Variants in SPTB observed in about 807,000 individuals in gnomAD.
SPTB encodes spectrin beta, erythrocytic, also known as spectrin beta chain, erythrocytic.
In SPTB, 45 loss-of-function variants were observed where a neutral mutation model predicts 256.2. That is an observed-to-expected ratio of 0.18 (90% CI 0.14 to 0.23). SPTB has a LOEUF of 0.23. SPTB is among the 10% of genes least tolerant of loss of function. The pLI is 1.00. For missense variants in SPTB, 2,715 were observed against 3,040.4 expected (o/e 0.89, Z 2.52); for synonymous variants, 1,231 against 1,243.1 (o/e 0.99, Z 0.21).
intron 1 of SPTB, among the ~76,000 whole-genome samples, chr14:64,837,587 G>A (rs2083544493): frequency 6.6e-6 from 1 of 152,100 alleles, no homozygotes; most frequent in South Asian, 2.1e-4. Flanking sequence ...AAATCAACAA[G>A]CTGATTTATT....
In SPTB at chr14:64,785,834, G is replaced by C; in HGVS notation, c.3679C>G (p.Pro1227Ala). 1 of 1,614,016 alleles carries C rather than the reference G, an allele frequency of 6.2e-7. No individual in the cohort carries two copies. The highest frequency in any genetic ancestry group is 1.6e-4 in the Middle Eastern group (1 of 6,062). The change falls in exon 17 of 36, where the codon CCT becomes GCT. Residue 1227 changes from proline (P) to alanine (A), a missense_variant. Pro to Ala is a conservative substitution (Grantham distance 27). Coordinates refer to ENST00000644917, the MANE Select transcript of SPTB (RefSeq NM_001355436.2). This position sits in a 1 kb window ranked among gnomAD's most constrained non-coding sequence, Gnocchi z 4.4. Reference sequence around the variant, plus strand: ...ACCAGCTTGTTTCCAGAGTCCACAGGACTCAAGACCTTATCCCGGTTGTTC... The same window carrying C: ...ACCAGCTTGTTTCCAGAGTCCACAGCACTCAAGACCTTATCCCGGTTGTTC... ...MENNRDKVLSPVDSGNKLVAE... is the reference protein window; with the variant it reads ...MENNRDKVLSAVDSGNKLVAE...
intron 3 of SPTB, 23 bp from the exon 4 acceptor site, chr14:64,803,803 G>A (rs778385937): frequency 1.4e-5 from 22 of 1,589,498 alleles, no homozygotes; most frequent in African/African-American, 2.7e-5. Flanking sequence ...AGTGGCCCCC[G>A]TGGGCATGGA....
At chr14:64,761,404 C>T (rs1375005363) in intron 32 of SPTB, among the ~76,000 whole-genome samples, 6 of 152,082 alleles carry the variant, frequency 3.9e-5, no homozygotes, top group Non-Finnish European at 8.8e-5. Flanking sequence ...AGAGCCAGGG[C>T]GGGGAGCTGA....
At chr14:64,800,684 G>C in intron 8 of SPTB, 72 bp downstream of exon 8, 1 of 1,366,192 alleles carries the variant, frequency 7.3e-7, no homozygotes, top group Non-Finnish European at 1.0e-6. Context: ...TCTTTGGTTG[G>C]AAAGAGGGCC....
In SPTB at chr14:64,791,741, A is replaced by ACTG. The variant is rs2082677918; in HGVS notation, c.2779_2781dup (p.Gln927dup). The ACTG allele has an allele frequency of 6.2e-7, 1 of 1,613,984 alleles. No homozygotes were observed. Among genetic ancestry groups the ACTG allele is most frequent in the Admixed American group, 1.7e-5 (1 of 59,994 alleles). On this transcript the variant is annotated inframe_insertion, in exon 15 of 36. Coordinates refer to ENST00000644917, the MANE Select transcript of SPTB (RefSeq NM_001355436.2). ...CACCTGGTGTTCAGATGGTCCTGGT[A>ACTG]CTGCTTCACCTCCCTGCTGCGTGGG... is the stretch of plus-strand genomic sequence containing the variant.
At chr14:64,846,951 C>T (rs1448817555) in intron 1 of SPTB, among the ~76,000 whole-genome samples, 1 of 152,148 alleles carries the variant, frequency 6.6e-6, no homozygotes, top group East Asian at 1.9e-4. Context: ...AGGGAAGGTA[C>T]CAGCAACACG....
At chr14:64,763,578 C>A (rs1328352295) in intron 32 of SPTB, among the ~76,000 whole-genome samples, 1 of 152,220 alleles carries the variant, frequency 6.6e-6, no homozygotes, top group Non-Finnish European at 1.5e-5. Flanking sequence ...CCGTAATTCT[C>A]CAGAGAAGGC....
At chr14:64,837,815 G>A (rs1483155451) in intron 1 of SPTB, among the ~76,000 whole-genome samples, 1 of 152,116 alleles carries the variant, frequency 6.6e-6, no homozygotes, top group East Asian at 1.9e-4. Flanking sequence ...TGGCCAGGCA[G>A]GTCTCAAACT....
chr14:64,795,638 T>C lies in SPTB; in HGVS notation c.1343A>G (p.Asp448Gly), dbSNP rs755750964. ...LSENQRLVAQ[D>G]NFGYDLAAVE... is the part of the protein sequence containing the mutation. The stretch of plus-strand genomic sequence containing the variant: ...AGCTGCCAGGTCATACCCAAAGTTA[T>C]CCTGCCCCACCGGGAGAAAAACAGG... The change falls in exon 12 of 36, where the codon GAT becomes GGT. Residue 448 changes from aspartate (D) to glycine (G), a missense_variant and splice_region_variant. Physicochemically the swap from Asp to Gly is moderately conservative, Grantham distance 94. Around this residue, in one of 4 missense-constraint regions of SPTB, gnomAD observed 416 missense variants for 571.1 expected, o/e 0.73. Transcript: ENST00000644917. This position sits in a 1 kb window ranked among gnomAD's most constrained non-coding sequence, Gnocchi z 6.5. 6.2e-7 allele frequency: 1 copy of C among 1,613,888 alleles called. No homozygotes were observed. The highest frequency in any genetic ancestry group is 8.5e-7 in the Non-Finnish European group (1 of 1,180,014).
In SPTB at chr14:64,845,818, T is replaced by C. The variant is rs1387806747; in HGVS notation, c.-51-22673A>G. 1.3e-5 allele frequency among the ~76,000 whole-genome samples: 2 copies of C among 152,226 alleles called. No individual in the cohort carries two copies. Among genetic ancestry groups the C allele is most frequent in the Non-Finnish European group, 2.9e-5 (2 of 68,042 alleles). On this transcript the variant is annotated intron_variant, in intron 1 of 35. Coordinates refer to ENST00000644917, the MANE Select transcript of SPTB (RefSeq NM_001355436.2). This position sits in a 1 kb window ranked among gnomAD's most constrained non-coding sequence, Gnocchi z 4.8. The stretch of plus-strand genomic sequence containing the variant: ...TATTTTCGACTCTTTTAAAATGTTA[T>C]CATTTTAATTTTTAATGTGTGTGTG...
chr14:64,862,967 G>A (rs1024158149), intron 1 of SPTB, among the ~76,000 whole-genome samples: 11 of 151,970 alleles, frequency 7.2e-5, no homozygotes, highest in Admixed American at 2.6e-4. Flanking sequence ...AAATACTGAC[G>A]CTGGATCCTA....
At chr14:64,821,595 C>T (rs11624755) in intron 2 of SPTB, among the ~76,000 whole-genome samples, 3,683 of 152,282 alleles carry the variant, frequency 0.024, 60 homozygotes, top group Non-Finnish European at 0.04. Context: ...GCCAATGGTT[C>T]CAAGTTTGGT....
At chr14:64,819,572 C>T (rs147228575) in intron 2 of SPTB, among the ~76,000 whole-genome samples, 1 of 152,302 alleles carries the variant, frequency 6.6e-6, no homozygotes, top group East Asian at 1.9e-4. Context: ...CATGGGGCTT[C>T]ATCTCATGGG....
chr14:64,767,788 G>C lies in SPTB; in HGVS notation c.6094C>G (p.Leu2032Val). The change falls in exon 30 of 36, where the codon CTG (leucine) becomes GTG (valine). Residue 2032 changes from leucine (L) to valine (V), a missense_variant. Coordinates refer to ENST00000644917, the MANE Select transcript of SPTB (RefSeq NM_001355436.2). ...EAWLIAQEPYLASGDFGHTVD... is the reference protein window; with the variant it reads ...EAWLIAQEPYVASGDFGHTVD... ...GTGTGTCCAAAGTCCCCGCTGGCCA[G>C]GTAGGGCTCCTGGGCAATCAGCCAC... 1 of 1,614,162 alleles carries C rather than the reference G, an allele frequency of 6.2e-7. No homozygotes were observed. Among genetic ancestry groups the C allele is most frequent in the Non-Finnish European group, 8.5e-7 (1 of 1,180,036 alleles).
chr14:64,796,473 C>G lies in SPTB; in HGVS notation c.1341+84G>C. 6.3e-7 allele frequency: 1 copy of G among 1,594,094 alleles called. No homozygotes were observed. Among genetic ancestry groups the G allele is most frequent in the Non-Finnish European group, 8.6e-7 (1 of 1,165,898 alleles). ...AGGCACGAGGAGAGGCTGTGAGAAGCCAGCTTGGACTCCAGCCCAGCCAAG... is the reference window on the plus strand; with the variant it reads ...AGGCACGAGGAGAGGCTGTGAGAAGGCAGCTTGGACTCCAGCCCAGCCAAG... On this transcript the variant is annotated intron_variant, in intron 11 of 35. Coordinates refer to ENST00000644917, the MANE Select transcript of SPTB (RefSeq NM_001355436.2). This position sits in a 1 kb window ranked among gnomAD's most constrained non-coding sequence, Gnocchi z 4.1.
intron 32 of SPTB, among the ~76,000 whole-genome samples, chr14:64,762,060 G>GGGCAGGTGTCCAGAAAGAGCCTAC: frequency 6.6e-6 from 1 of 152,222 alleles, no homozygotes; most frequent in South Asian, 2.1e-4. Flanking sequence ...GCCCAGCAGC[G>GGGCAGGTGTCCAGAAAGAGCCTAC]GGCAGGTGTC....
chr14:64,786,058 T>G lies in SPTB; in HGVS notation c.3562-107A>C. ...GCAGCCACACAGGCCACGGTATGAA[T>G]GAGCCCCCTAGAGTAGTACAGGGAG... On this transcript the variant is annotated intron_variant, in intron 16 of 35. Coordinates refer to ENST00000644917, the MANE Select transcript of SPTB (RefSeq NM_001355436.2). This position sits in a 1 kb window ranked among gnomAD's most constrained non-coding sequence, Gnocchi z 5.6. 3 of 1,162,218 alleles carry G rather than the reference T, an allele frequency of 2.6e-6. No homozygotes were observed. The highest frequency in any genetic ancestry group is 3.8e-6 in the Non-Finnish European group (3 of 785,170). 72.0% of individuals were successfully genotyped at this position (1,162,218 alleles called of 1,614,324 possible).
At chr14:64,766,697 G>C in intron 32 of SPTB, 29 bp downstream of exon 32, 1 of 1,613,640 alleles carries the variant, frequency 6.2e-7, no homozygotes, top group Non-Finnish European at 8.5e-7. Context: ...TGACTCCCAG[G>C]AACTAGACAA....
chr14:64,836,907 G>A (rs1389158304), intron 1 of SPTB, among the ~76,000 whole-genome samples: 2 of 152,158 alleles, frequency 1.3e-5, no homozygotes, highest in Non-Finnish European at 2.9e-5. Flanking sequence ...CTCAAAGGAG[G>A]TATGTCTTTT....
Sources: allele counts gnomAD v4.1 joint callset (sites outside exome capture counted in the v4.1 genomes callset), GRCh38; gene constraint gnomAD v4.1.1; regional missense constraint gnomAD v4.1.1; non-coding constraint Gnocchi (gnomAD v3.1); transcripts MANE v1.5; gene names NCBI Gene and HGNC (gene_info 2026-07-23, HGNC 2026-07-21).